Variants in GPC5 observed in about 807,000 individuals in gnomAD.
The protein encoded by GPC5 is glypican 5, also known as glypican-5.
In GPC5, 47 loss-of-function variants were observed where a neutral mutation model predicts 53.9. The ratio of observed to expected loss-of-function variants is 0.87; its 90% CI spans 0.69 to 1.11. The LOEUF is 1.11. Ranked by LOEUF, GPC5 falls within the 50% of genes most tolerant of loss-of-function variation. GPC5 has a pLI of 0.00. For missense variants in GPC5, 748 were observed against 713.1 expected (o/e 1.05, Z -0.56); for synonymous variants, 286 against 263.3 (o/e 1.09, Z -0.84).
chr13:91,935,777 C>A (rs2039864656), intron 6 of GPC5, among the ~76,000 whole-genome samples: 1 of 151,934 alleles, frequency 6.6e-6, no homozygotes, highest in Non-Finnish European at 1.5e-5. Context: ...GAGTTAATGT[C>A]AAGTGCAAAA....
At chr13:92,767,435 C>T (rs1692781929) in intron 7 of GPC5, among the ~76,000 whole-genome samples, 1 of 152,146 alleles carries the variant, frequency 6.6e-6, no homozygotes, top group African/African-American at 2.4e-5. Context: ...CGCGCCACCA[C>T]ACTTCAGCCT....
At chr13:91,582,163 T>A (rs1490712908) in intron 2 of GPC5, among the ~76,000 whole-genome samples, 1 of 152,046 alleles carries the variant, frequency 6.6e-6, no homozygotes, top group Non-Finnish European at 1.5e-5. Flanking sequence ...GCCATGGCAG[T>A]GGTTTAGACT....
intron 6 of GPC5, among the ~76,000 whole-genome samples, chr13:92,096,904 T>C (rs1211877813): frequency 6.6e-6 from 1 of 152,166 alleles, no homozygotes; most frequent in African/African-American, 2.4e-5. Flanking sequence ...ATGGAAGAAC[T>C]TTGAGGAGCA....
intron 7 of GPC5, among the ~76,000 whole-genome samples, chr13:92,329,607 T>C (rs950229731): frequency 2.0e-5 from 3 of 152,200 alleles, no homozygotes; most frequent in South Asian, 4.1e-4. Flanking sequence ...TATCATCTTA[T>C]TAGTTTCTGC....
chr13:92,704,530 G>A (rs533092267), intron 7 of GPC5, among the ~76,000 whole-genome samples: 7 of 151,722 alleles, frequency 4.6e-5, no homozygotes, highest in South Asian at 2.1e-4. Flanking sequence ...TCAAGAATAC[G>A]GGATTTCAAA....
intron 7 of GPC5, among the ~76,000 whole-genome samples, chr13:92,366,459 C>A (rs762212782): frequency 4.0e-5 from 6 of 151,778 alleles, no homozygotes; most frequent in Non-Finnish European, 8.8e-5. Context: ...CAGGCAAACA[C>A]AACTAATGGC....
intron 6 of GPC5, among the ~76,000 whole-genome samples, chr13:92,044,813 A>T (rs1594741433): frequency 6.6e-6 from 1 of 152,186 alleles, no homozygotes; most frequent in Admixed American, 6.5e-5. Context: ...TTCCTAAGAG[A>T]GTTTTTAATA....
chr13:92,123,229 A>T (rs1566445134), intron 6 of GPC5, among the ~76,000 whole-genome samples: 1 of 151,828 alleles, frequency 6.6e-6, no homozygotes, highest in Non-Finnish European at 1.5e-5. Flanking sequence ...ACATGTCTAA[A>T]CCCTGTCTCT....
chr13:91,789,659 A>G (rs2037932878), intron 5 of GPC5, among the ~76,000 whole-genome samples: 1 of 152,206 alleles, frequency 6.6e-6, no homozygotes, highest in Non-Finnish European at 1.5e-5. Context: ...GACAATGTAA[A>G]GGGCTTTAAA....
At chr13:92,329,761 A>T (rs1394767918) in intron 7 of GPC5, among the ~76,000 whole-genome samples, 1 of 152,182 alleles carries the variant, frequency 6.6e-6, no homozygotes, top group African/African-American at 2.4e-5. Flanking sequence ...AACCATGGTG[A>T]TAGGATTCTA....
At chr13:91,796,251 G>A (rs552435607) in intron 5 of GPC5, among the ~76,000 whole-genome samples, 6 of 152,308 alleles carry the variant, frequency 3.9e-5, no homozygotes, top group African/African-American at 1.2e-4. Context: ...CAGGAACAAT[G>A]GTGAGCCTTC....
intron 6 of GPC5, among the ~76,000 whole-genome samples, chr13:92,130,339 G>GAA (rs57555250): frequency 2.4e-4 from 33 of 136,642 alleles, no homozygotes; most frequent in African/African-American, 8.4e-4. Context: ...GATGTTAACT[G>GAA]AAAAAAAAAA....
intron 5 of GPC5, among the ~76,000 whole-genome samples, chr13:91,825,355 C>A (rs939769402): frequency 6.6e-6 from 1 of 152,004 alleles, no homozygotes; most frequent in Non-Finnish European, 1.5e-5. Context: ...TGAAATTATA[C>A]GTTTGTGTGT....
Position 91,693,506 on chromosome 13 carries a change from G to A in GPC5, c.645G>A (p.Met215Ile), listed in dbSNP as rs750253338. 5 of 1,614,118 alleles carry A rather than the reference G, an allele frequency of 3.1e-6. No homozygotes were observed. Among genetic ancestry groups the A allele is most frequent in the Non-Finnish European group, 4.2e-6 (5 of 1,180,004 alleles). The change falls in exon 3 of 8, where the codon ATG becomes ATA. Residue 215 changes from methionine (M) to isoleucine (I), a missense_variant. Physicochemically the swap from Met to Ile is conservative, Grantham distance 10. Coordinates refer to ENST00000377067, the MANE Select transcript of GPC5 (RefSeq NM_004466.6). ...GNIPQRVMGQ[M>I]GRSLLPSRTF... ...TTCCCCAAAGAGTAATGGGACAGATGGGGAGGTCCCTGCTGCCCAGCCGCA... is the reference window on the plus strand; with the variant it reads ...TTCCCCAAAGAGTAATGGGACAGATAGGGAGGTCCCTGCTGCCCAGCCGCA...
At chr13:92,749,283 A>G (rs1353431215) in intron 7 of GPC5, among the ~76,000 whole-genome samples, 1 of 152,156 alleles carries the variant, frequency 6.6e-6, no homozygotes, top group Non-Finnish European at 1.5e-5. Flanking sequence ...CATTTTTTCA[A>G]TATATTATGT....
At chr13:92,181,301 TTAAAG>T (rs1448904282) in intron 7 of GPC5, among the ~76,000 whole-genome samples, 11 of 152,146 alleles carry the variant, frequency 7.2e-5, no homozygotes, top group Non-Finnish European at 1.3e-4. Flanking sequence ...TGCTACTAAA[TTAAAG>T]TAAACCCAAA....
chr13:92,232,686 G>T (rs1411805410), intron 7 of GPC5, among the ~76,000 whole-genome samples: 1 of 152,148 alleles, frequency 6.6e-6, no homozygotes, highest in Non-Finnish European at 1.5e-5. Context: ...CTGAAATAGA[G>T]TACTACTAAA....
chr13:92,277,684 G>C (rs2042885624), intron 7 of GPC5, among the ~76,000 whole-genome samples: 1 of 151,850 alleles, frequency 6.6e-6, no homozygotes, highest in African/African-American at 2.4e-5. Flanking sequence ...ATGGTTGACA[G>C]TTTTTACATT....
chr13:91,751,834 TC>T (rs1243411538), intron 4 of GPC5, among the ~76,000 whole-genome samples: 1 of 152,250 alleles, frequency 6.6e-6, no homozygotes, highest in African/African-American at 2.4e-5. Flanking sequence ...ACTTATGGTT[TC>T]CCATGCTCTT....
Sources: allele counts gnomAD v4.1 joint callset (sites outside exome capture counted in the v4.1 genomes callset), GRCh38; gene constraint gnomAD v4.1.1; transcripts MANE v1.5; gene names NCBI Gene and HGNC (gene_info 2026-07-23, HGNC 2026-07-21).